KIF20B: variants seen among roughly 807,000 people sequenced by gnomAD.
KIF20B encodes the protein kinesin-like protein KIF20B.
In KIF20B, 188 loss-of-function variants were observed where a neutral mutation model predicts 232.5. The observed-to-expected ratio is 0.81, with a 90% CI of 0.72 to 0.91. The LOEUF (loss-of-function observed/expected upper bound fraction) is 0.91, where lower values mean the gene tolerates loss of function less well. Among genes scored for constraint, KIF20B ranks in the 40% least tolerant of loss-of-function variants. The pLI is 0.00. For missense variants in KIF20B, 2,154 were observed against 2,055.9 expected (o/e 1.05, Z -0.92); for synonymous variants, 712 against 683.0 (o/e 1.04, Z -0.66).
intron 29 of KIF20B, among the ~76,000 whole-genome samples, chr10:89,768,006 G>A (rs182244044): frequency 1.8e-4 from 27 of 152,018 alleles, no homozygotes; most frequent in Admixed American, 1.6e-3. Flanking sequence ...ATTGTGGGCT[G>A]TATACCTCTT....
rs368576088 is a variant in KIF20B, at chr10:89,747,170, G to T, written c.4096+1211G>T. Among the ~76,000 whole-genome samples, 28 of 152,140 alleles carry T rather than the reference G, an allele frequency of 1.8e-4. No homozygotes were observed. The East Asian group carries it at 3.1e-3, about 17-fold the overall frequency. On this transcript the variant is annotated intron_variant, in intron 23 of 32. Coordinates refer to ENST00000371728, the MANE Select transcript of KIF20B (RefSeq NM_001284259.2). ...TCACTGGCCATCAGAGAAATGCAAA[G>T]CAAAACCACAATGAGATATCATCTC...
chr10:89,709,706 T>G lies in KIF20B; in HGVS notation c.352-221T>G, dbSNP rs566134775. ...ATTATTAATATATTTTTAAGAAATA[T>G]TCTTTTCAAAACTTAGGTGAATACT... On this transcript the variant is annotated intron_variant, in intron 4 of 32. Transcript: ENST00000371728. 1.9e-4 allele frequency among the ~76,000 whole-genome samples: 29 copies of G among 151,916 alleles called. 1 individual carries two copies. Among genetic ancestry groups the G allele is most frequent in the Admixed American group, 3.3e-4 (5 of 15,258 alleles).
At chr10:89,706,387 A>T (rs1036417780) in intron 2 of KIF20B, among the ~76,000 whole-genome samples, 1 of 152,264 alleles carries the variant, frequency 6.6e-6, no homozygotes, top group Non-Finnish European at 1.5e-5. Context: ...TGTCTTGATG[A>T]TCAGACATTT....
At chr10:89,744,341 C>T (rs549597298) in intron 22 of KIF20B, among the ~76,000 whole-genome samples, 1 of 152,156 alleles carries the variant, frequency 6.6e-6, no homozygotes, top group East Asian at 1.9e-4. Context: ...TAGACAAACC[C>T]AAATGGAGGA....
At chr10:89,723,807 C>A in intron 13 of KIF20B, 157 bp from the exon 14 acceptor site, 3 of 653,976 alleles carry the variant, frequency 4.6e-6, no homozygotes, top group African/African-American at 1.9e-5. Context: ...CAAATCTTTG[C>A]AAACATATAA....
At chr10:89,718,259 T>G (rs953629589) in intron 11 of KIF20B, among the ~76,000 whole-genome samples, 1 of 151,992 alleles carries the variant, frequency 6.6e-6, no homozygotes, top group Non-Finnish European at 1.5e-5. Context: ...CATGGTGGCT[T>G]ATGCCTGTAA....
intron 31 of KIF20B, among the ~76,000 whole-genome samples, chr10:89,769,957 C>CT (rs1842434075): frequency 6.6e-6 from 1 of 151,946 alleles, no homozygotes. Flanking sequence ...TGTGAAAATA[C>CT]TTTTTGTCGA....
At chr10:89,763,425 C>T (rs991722962) in intron 29 of KIF20B, among the ~76,000 whole-genome samples, 3 of 152,138 alleles carry the variant, frequency 2.0e-5, no homozygotes, top group African/African-American at 7.2e-5. Flanking sequence ...TATACCAGTC[C>T]TGTTCATACT....
At chr10:89,772,481 G>T (rs10881666) in intron 31 of KIF20B, among the ~76,000 whole-genome samples, 1 of 151,210 alleles carries the variant, frequency 6.6e-6, no homozygotes, top group South Asian at 2.1e-4. Context: ...TTTTGCTGTC[G>T]ATCATTATTT....
At chr10:89,759,465 A>T (rs1842194889) in intron 27 of KIF20B, among the ~76,000 whole-genome samples, 1 of 152,108 alleles carries the variant, frequency 6.6e-6, no homozygotes, top group African/African-American at 2.4e-5. Flanking sequence ...ATCTGTACTT[A>T]AAAATCTTCT....
intron 1 of KIF20B, among the ~76,000 whole-genome samples, chr10:89,703,997 C>G (rs994844675): frequency 6.6e-6 from 1 of 152,148 alleles, no homozygotes; most frequent in Non-Finnish European, 1.5e-5. Context: ...GTGATCCACC[C>G]ACCTCGGCCT....
At chr10:89,731,973 A>G (rs1378551541) in intron 18 of KIF20B, among the ~76,000 whole-genome samples, 1 of 152,124 alleles carries the variant, frequency 6.6e-6, no homozygotes, top group African/African-American at 2.4e-5. Context: ...TCTATCATAC[A>G]CTTTGTTTTT....
intron 31 of KIF20B, among the ~76,000 whole-genome samples, chr10:89,771,934 G>C (rs1048267739): frequency 4.0e-5 from 6 of 151,876 alleles, no homozygotes; most frequent in African/African-American, 1.2e-4. Flanking sequence ...TTTCATTTTG[G>C]CTTGTTGTCT....
In KIF20B at chr10:89,751,441, A is replaced by C. The variant is rs139452485; in HGVS notation, c.4192A>C (p.Lys1398Gln). The change falls in exon 24 of 33, where the codon AAA becomes CAA. Residue 1398 changes from lysine to glutamine, a missense_variant. Coordinates refer to ENST00000371728, the MANE Select transcript of KIF20B (RefSeq NM_001284259.2). ...AGAACAGGATCAAGTGCTTGAGGCT[A>C]AATTAGAGGAAGTTGAAAGGCTGGC... ...QVEQDQVLEA[K>Q]LEEVERLATE... 267 of 1,607,778 alleles carry C rather than the reference A, an allele frequency of 1.7e-4. 1 individual carries two copies. Among genetic ancestry groups the C allele is most frequent in the Middle Eastern group, 9.9e-4 (6 of 6,056 alleles).
intron 29 of KIF20B, 29 bp from the exon 30 acceptor site, chr10:89,768,261 T>A (rs372235925): frequency 2.3e-6 from 3 of 1,300,152 alleles, no homozygotes; most frequent in African/African-American, 3.0e-5. Flanking sequence ...GTCAAGAAAT[T>A]AACTGGTGCT....
chr10:89,729,174 T>C lies in KIF20B; in HGVS notation c.2318T>C (p.Ile773Thr), dbSNP rs1843263567. 6 of 1,467,950 alleles carry C rather than the reference T, an allele frequency of 4.1e-6. No homozygotes were observed. Among genetic ancestry groups the C allele is most frequent in the Non-Finnish European group, 5.5e-6 (6 of 1,092,314 alleles). The allele number at this position is 1,467,950 out of a possible 1,614,324, so 90.9% of individuals were successfully genotyped here. A position where few individuals can be genotyped will look rare whatever the true frequency, so the allele number is the denominator to read the frequency against. The change falls in exon 18 of 33, where the codon ATT (isoleucine) becomes ACT (threonine). Residue 773 changes from isoleucine to threonine, a missense_variant. By Grantham distance (89) the Ile-to-Thr change is moderately conservative. Transcript: ENST00000371728. The part of the protein sequence containing the change: ...NQRIKELINI[I>T]DQKEDTINEF... Reference sequence around the variant, plus strand: ...AGAATTAAAGAATTGATAAATATAATTGATCAAAAAGAAGATACTATCAAC... The same window carrying C: ...AGAATTAAAGAATTGATAAATATAACTGATCAAAAAGAAGATACTATCAAC...
chr10:89,739,896 T>C (rs966104355), intron 21 of KIF20B, among the ~76,000 whole-genome samples: 6 of 152,320 alleles, frequency 3.9e-5, no homozygotes, highest in Middle Eastern at 3.4e-3. Context: ...TTTTGTACAG[T>C]CGTAATTAAT....
chr10:89,719,054 C>G (rs558262520), intron 12 of KIF20B, among the ~76,000 whole-genome samples, 182 bp downstream of exon 12: 2 of 152,158 alleles, frequency 1.3e-5, no homozygotes, highest in South Asian at 4.2e-4. Flanking sequence ...TTAAAATGAC[C>G]TTTAGTAATA....
intron 13 of KIF20B, among the ~76,000 whole-genome samples, chr10:89,721,038 C>T (rs771566558): frequency 3.9e-5 from 6 of 152,160 alleles, no homozygotes; most frequent in South Asian, 2.1e-4. Flanking sequence ...GCCATAACTC[C>T]GTGAGTATAG....
Sources: allele counts gnomAD v4.1 joint callset (sites outside exome capture counted in the v4.1 genomes callset), GRCh38; gene constraint gnomAD v4.1.1; transcripts MANE v1.5; gene names NCBI Gene and HGNC (gene_info 2026-07-23, HGNC 2026-07-21).